CAMTA1: variants seen among roughly 807,000 people sequenced by gnomAD.
The protein encoded by CAMTA1 is calmodulin-binding transcription activator 1.
A neutral mutation model predicts 170.9 loss-of-function variants in CAMTA1; 27 were observed. That is an observed-to-expected ratio of 0.16 (90% CI 0.12 to 0.22). The LOEUF is 0.22. Among genes scored for constraint, CAMTA1 ranks in the 10% least tolerant of loss-of-function variants. The pLI is 1.00. For synonymous variants in CAMTA1, 833 were observed against 891.5 expected (o/e 0.93, Z 1.17); for missense variants, 1,619 against 2,217.2 (o/e 0.73, Z 5.42).
chr1:7,631,212 C>A (rs1302253507), intron 6 of CAMTA1, among the ~76,000 whole-genome samples: 1 of 152,212 alleles, frequency 6.6e-6, no homozygotes, highest in Non-Finnish European at 1.5e-5. Context: ...CTCCCAGCTC[C>A]CCACACCTCA....
chr1:7,433,587 G>A (rs545720801), intron 5 of CAMTA1, among the ~76,000 whole-genome samples: 1 of 152,328 alleles, frequency 6.6e-6, no homozygotes, highest in African/African-American at 2.4e-5. Context: ...GCCAATTGAT[G>A]TACGTGAGCA....
At chr1:7,365,137 G>A (rs1449310649) in intron 5 of CAMTA1, among the ~76,000 whole-genome samples, 1 of 152,242 alleles carries the variant, frequency 6.6e-6, no homozygotes, top group East Asian at 1.9e-4. Context: ...GGACCAACCT[G>A]TGGTCTTCAG....
intron 6 of CAMTA1, among the ~76,000 whole-genome samples, chr1:7,583,836 C>A (rs1409905618): frequency 6.6e-6 from 1 of 152,122 alleles, no homozygotes; most frequent in African/African-American, 2.4e-5. Flanking sequence ...GTGCCGTCTC[C>A]CGGGAGGTAG....
chr1:7,218,906 C>T (rs1475048606), intron 4 of CAMTA1, among the ~76,000 whole-genome samples: 1 of 152,044 alleles, frequency 6.6e-6, no homozygotes, highest in Non-Finnish European at 1.5e-5. Flanking sequence ...GTGTAGTTTT[C>T]AGAGGATGCG....
chr1:7,703,641 G>A (rs1053179526), intron 11 of CAMTA1, among the ~76,000 whole-genome samples: 1 of 152,204 alleles, frequency 6.6e-6, no homozygotes, highest in Non-Finnish European at 1.5e-5. Context: ...TTTTTACCCA[G>A]GTGGCAGAGA....
At chr1:7,480,228 T>A (rs1227826635) in intron 6 of CAMTA1, among the ~76,000 whole-genome samples, 4 of 142,592 alleles carry the variant, frequency 2.8e-5, no homozygotes, top group African/African-American at 1.1e-4. Context: ...TACGTGTGTG[T>A]GAGTGCATGT....
intron 3 of CAMTA1, among the ~76,000 whole-genome samples, chr1:6,838,857 A>G (rs1013121332): frequency 6.6e-6 from 1 of 152,122 alleles, no homozygotes; most frequent in Non-Finnish European, 1.5e-5. Flanking sequence ...CCTGGACCCA[A>G]GAGATCCTCC....
At chr1:7,425,982 G>A (rs552196267) in intron 5 of CAMTA1, among the ~76,000 whole-genome samples, 92 of 152,316 alleles carry the variant, frequency 6.0e-4, no homozygotes, top group African/African-American at 2.1e-3. Flanking sequence ...CATGGGGCCA[G>A]GTGCTGAGAA....
intron 6 of CAMTA1, among the ~76,000 whole-genome samples, chr1:7,506,517 C>A (rs1046351529): frequency 9.2e-5 from 14 of 152,122 alleles, no homozygotes; most frequent in Middle Eastern, 3.4e-3. Flanking sequence ...AAAATTCACA[C>A]TAACATCTCA....
In CAMTA1 at chr1:7,744,849, C is replaced by T. The variant is rs1417646614; in HGVS notation, c.4197C>T (p.Thr1399=). Residue 1399 remains threonine (T), a synonymous_variant, in exon 17 of 23, where the codon ACC becomes ACT. Coordinates refer to ENST00000303635, the MANE Select transcript of CAMTA1 (RefSeq NM_015215.4). ...TCTGACTTCAGGTGAACATGATGACCTTGGCAGAACACATTATTGAAGCCA... is the reference window on the plus strand; with the variant it reads ...TCTGACTTCAGGTGAACATGATGACTTTGGCAGAACACATTATTGAAGCCA... ...PMDDIQVNMM[T]LAEHIIEATP... is the part of the protein sequence containing the mutation. The T allele has an allele frequency of 1.2e-6, 2 of 1,613,006 alleles. No individual in the cohort carries two copies. The highest frequency in any genetic ancestry group is 1.7e-6 in the Non-Finnish European group (2 of 1,179,492).
chr1:7,100,517 T>G (rs1236752371), intron 4 of CAMTA1, among the ~76,000 whole-genome samples: 1 of 152,204 alleles, frequency 6.6e-6, no homozygotes, highest in African/African-American at 2.4e-5. Context: ...TTTTTTCTCT[T>G]TTTCCAAGTC....
At chr1:7,540,751 TC>T (rs1485127490) in intron 6 of CAMTA1, among the ~76,000 whole-genome samples, 1 of 152,134 alleles carries the variant, frequency 6.6e-6, no homozygotes, top group African/African-American at 2.4e-5. Flanking sequence ...GTTAAAGGCT[TC>T]TGAGAGATAG....
chr1:7,042,657 C>T (rs1043250585), intron 3 of CAMTA1, among the ~76,000 whole-genome samples: 4 of 152,204 alleles, frequency 2.6e-5, no homozygotes, highest in African/African-American at 7.2e-5. Flanking sequence ...GGTTGGAGCG[C>T]GGAGGCCTTT....
chr1:7,346,193 TGAGAA>T (rs1437766151), intron 5 of CAMTA1, among the ~76,000 whole-genome samples: 1 of 152,208 alleles, frequency 6.6e-6, no homozygotes, highest in African/African-American at 2.4e-5. Flanking sequence ...AGCTATGAAC[TGAGAA>T]GAGAAAAGGA....
chr1:7,256,775 G>A (rs1406879645), intron 5 of CAMTA1, among the ~76,000 whole-genome samples: 3 of 152,238 alleles, frequency 2.0e-5, no homozygotes, highest in East Asian at 3.9e-4. Context: ...AGGTGCAGGC[G>A]GATTTGGTGT....
chr1:7,387,428 A>G (rs1290314094), intron 5 of CAMTA1, among the ~76,000 whole-genome samples: 2 of 151,986 alleles, frequency 1.3e-5, no homozygotes, highest in Non-Finnish European at 2.9e-5. Flanking sequence ...CTCTTCTCCC[A>G]TCTGTTTTCC....
chr1:7,519,582 C>T (rs1166592060), intron 6 of CAMTA1, among the ~76,000 whole-genome samples: 1 of 151,874 alleles, frequency 6.6e-6, no homozygotes, highest in Non-Finnish European at 1.5e-5. Flanking sequence ...CTCCCTGAGC[C>T]ACCTCTGCCA....
At chr1:7,717,166 TAGAC>T (rs1488618647) in intron 11 of CAMTA1, among the ~76,000 whole-genome samples, 6 of 152,066 alleles carry the variant, frequency 3.9e-5, no homozygotes, top group African/African-American at 4.8e-5. Context: ...TATTTACAGT[TAGAC>T]AGGAGGAATC....
intron 3 of CAMTA1, among the ~76,000 whole-genome samples, chr1:7,037,469 C>T (rs1703769279): frequency 6.6e-6 from 1 of 152,238 alleles, no homozygotes; most frequent in Non-Finnish European, 1.5e-5. Flanking sequence ...GTGCTGCTTT[C>T]TCTCTCTGCT....
Sources: allele counts gnomAD v4.1 joint callset (sites outside exome capture counted in the v4.1 genomes callset), GRCh38; gene constraint gnomAD v4.1.1; transcripts MANE v1.5; gene names NCBI Gene and HGNC (gene_info 2026-07-23, HGNC 2026-07-21).